Variants in PTPRG observed in about 807,000 individuals in gnomAD.
The protein encoded by PTPRG is receptor-type tyrosine-protein phosphatase gamma.
In PTPRG, 102 loss-of-function variants were observed where a neutral mutation model predicts 165.3. The observed-to-expected ratio is 0.62, with a 90% CI of 0.53 to 0.73. PTPRG has a LOEUF of 0.73. Ranked by LOEUF, PTPRG falls within the 30% of genes least tolerant of loss-of-function variation. PTPRG has a pLI of 0.00. For missense variants in PTPRG, 1,866 were observed against 1,861.4 expected, an observed-to-expected ratio of 1.00 and a Z score of -0.05; for synonymous variants, 675 against 669.5, an observed-to-expected ratio of 1.01 and a Z score of -0.13.
At chr3:62,103,701 T>C (rs1702372190) in intron 5 of PTPRG, among the ~76,000 whole-genome samples, 1 of 152,198 alleles carries the variant, frequency 6.6e-6, no homozygotes, top group Admixed American at 6.5e-5. Context: ...AGTATCTGTG[T>C]CTGCATTTTG....
intron 5 of PTPRG, among the ~76,000 whole-genome samples, chr3:62,091,423 A>C (rs1463305982): frequency 6.6e-6 from 1 of 152,250 alleles, no homozygotes; most frequent in Non-Finnish European, 1.5e-5. Context: ...AAATAGATTT[A>C]ATTGGAGCAG....
Position 62,273,718 on chromosome 3 carries a change from T to C in PTPRG, c.3339T>C (p.His1113=). 4 of 1,613,758 alleles carry C rather than the reference T, an allele frequency of 2.5e-6. No individual in the cohort carries two copies. Among genetic ancestry groups the C allele is most frequent in the Non-Finnish European group, 2.5e-6 (3 of 1,179,718 alleles). Residue 1113 remains histidine, a synonymous_variant, in exon 23 of 30, where the codon CAT becomes CAC. Coordinates refer to ENST00000474889, the MANE Select transcript of PTPRG (RefSeq NM_002841.4). This position sits in a 1 kb window ranked among gnomAD's most constrained non-coding sequence, Gnocchi z 4.1. ...CTTAGGAGCAGTACATTTTCATCCATGATGCCTTGTTGGAAGCCATTCTTG... is the reference window on the plus strand; with the variant it reads ...CTTAGGAGCAGTACATTTTCATCCACGATGCCTTGTTGGAAGCCATTCTTG... The part of the protein sequence containing the change: ...VQTEEQYIFI[H]DALLEAILGK...
intron 1 of PTPRG, among the ~76,000 whole-genome samples, chr3:61,638,591 GTT>G (rs34396141): frequency 0.043 from 2,489 of 58,528 alleles, 101 homozygotes; most frequent in African/African-American, 0.15. Flanking sequence ...TGCCTGGCTA[GTT>G]TTTTTTTTTT....
chr3:62,165,461 CA>C (rs1435174114), intron 7 of PTPRG, among the ~76,000 whole-genome samples: 1 of 152,088 alleles, frequency 6.6e-6, no homozygotes, highest in Admixed American at 6.5e-5. Flanking sequence ...CACATTTGGA[CA>C]AAGTAATCAG....
intron 1 of PTPRG, among the ~76,000 whole-genome samples, chr3:61,667,912 C>T (rs940314200): frequency 1.3e-5 from 2 of 151,996 alleles, no homozygotes; most frequent in Non-Finnish European, 2.9e-5. Context: ...AACATCTGGC[C>T]TACTGCCTAT....
At chr3:61,722,794 G>T (rs1342740102) in intron 1 of PTPRG, among the ~76,000 whole-genome samples, 3 of 152,124 alleles carry the variant, frequency 2.0e-5, no homozygotes, top group Admixed American at 6.5e-5. Context: ...TTCAGACGGG[G>T]TGTACTATCT....
intron 1 of PTPRG, among the ~76,000 whole-genome samples, chr3:61,694,206 T>G (rs1303598116): frequency 6.6e-6 from 1 of 152,056 alleles, no homozygotes; most frequent in African/African-American, 2.4e-5. Context: ...AATTAATTCT[T>G]TAGGGAATGA....
chr3:61,611,812 A>T (rs757886937), intron 1 of PTPRG, among the ~76,000 whole-genome samples: 118 of 152,222 alleles, frequency 7.8e-4, no homozygotes, highest in Non-Finnish European at 1.4e-3. Context: ...TGAATTTCAT[A>T]TCCTTTTCAT....
chr3:61,873,648 T>C (rs2037645267), intron 2 of PTPRG, among the ~76,000 whole-genome samples: 2 of 152,298 alleles, frequency 1.3e-5, no homozygotes, highest in South Asian at 2.1e-4. Flanking sequence ...AATAAATTGG[T>C]AATGTGTGGA....
Position 62,220,033 on chromosome 3 carries a change from G to A in PTPRG, c.2288+1050G>A, listed in dbSNP as rs552008235. ...ACCTGAGCAAAGACCTAAAGGAGGA[G>A]GGAACCAAATGGGCTCCACCTGGGG... On this transcript the variant is annotated intron_variant, in intron 13 of 29. Transcript: ENST00000474889. 2.5e-3 allele frequency among the ~76,000 whole-genome samples: 381 copies of A among 152,322 alleles called. 3 individuals carry two copies. The highest frequency in any genetic ancestry group is 8.5e-3 in the African/African-American group (355 of 41,574).
rs35559789 is a variant in PTPRG at position 62,273,196 on chromosome 3, G to A, written c.3318+115G>A. The A allele has an allele frequency of 0.15, 170,082 of 1,167,192 alleles. 13,645 individuals carry two copies. The highest frequency in any genetic ancestry group is 0.16 in the Non-Finnish European group (138,058 of 853,464). 72.3% of individuals were successfully genotyped at this position (1,167,192 alleles called of 1,614,324 possible). Reference sequence around the variant, plus strand: ...TTTTAGGGCTTGCAGTAATTTACAGGTTTGTATTAGAAGATATTCTGACAA... The same window carrying A: ...TTTTAGGGCTTGCAGTAATTTACAGATTTGTATTAGAAGATATTCTGACAA... On this transcript the variant is annotated intron_variant, in intron 22 of 29. Coordinates refer to ENST00000474889, the MANE Select transcript of PTPRG (RefSeq NM_002841.4). This position sits in a 1 kb window ranked among gnomAD's most constrained non-coding sequence, Gnocchi z 4.1.
At chr3:61,639,039 G>C (rs1008559508) in intron 1 of PTPRG, among the ~76,000 whole-genome samples, 1 of 152,112 alleles carries the variant, frequency 6.6e-6, no homozygotes, top group African/African-American at 2.4e-5. Context: ...GATTCTTATA[G>C]TTCCTGATCT....
chr3:62,069,542 A>G (rs910206718), intron 4 of PTPRG, among the ~76,000 whole-genome samples: 3 of 152,148 alleles, frequency 2.0e-5, no homozygotes, highest in African/African-American at 7.2e-5. Context: ...TGATACACAG[A>G]CAGACATACC....
At chr3:62,025,391 T>C (rs890699026) in intron 4 of PTPRG, among the ~76,000 whole-genome samples, 3 of 152,216 alleles carry the variant, frequency 2.0e-5, no homozygotes, top group Admixed American at 2.0e-4. Context: ...TGTTCCTTTA[T>C]CTCCAATTAT....
chr3:61,939,001 C>G (rs781313743), intron 2 of PTPRG, among the ~76,000 whole-genome samples: 4 of 152,100 alleles, frequency 2.6e-5, no homozygotes, highest in Non-Finnish European at 5.9e-5. Flanking sequence ...TGGGATCACC[C>G]CCTGCAGTTC....
rs79249435 is a variant in PTPRG, at chr3:62,085,931, T to C, written c.615+7673T>C. On this transcript the variant is annotated intron_variant, in intron 5 of 29. Coordinates refer to ENST00000474889, the MANE Select transcript of PTPRG (RefSeq NM_002841.4). ...TTCAGAAGGGCCTTAAAATTCTTTC[T>C]TCAAAAGTAGCTTCATTTTATCTTT... 7.5e-3 allele frequency among the ~76,000 whole-genome samples: 1,146 copies of C among 152,334 alleles called. 16 individuals are homozygous for C. Among genetic ancestry groups the C allele is most frequent in the African/African-American group, 0.027 (1,108 of 41,586 alleles).
intron 2 of PTPRG, among the ~76,000 whole-genome samples, chr3:61,913,986 G>A (rs557116985): frequency 6.6e-6 from 1 of 152,250 alleles, no homozygotes; most frequent in South Asian, 2.1e-4. Context: ...TTGTTTCAGT[G>A]TTATAACAAA....
chr3:61,668,315 A>G (rs1702864958), intron 1 of PTPRG, among the ~76,000 whole-genome samples: 1 of 152,222 alleles, frequency 6.6e-6, no homozygotes, highest in Non-Finnish European at 1.5e-5. Flanking sequence ...CCCCTCTATC[A>G]GGCATTTGGG....
chr3:61,637,474 C>T (rs928304284), intron 1 of PTPRG, among the ~76,000 whole-genome samples: 1 of 152,134 alleles, frequency 6.6e-6, no homozygotes, highest in Non-Finnish European at 1.5e-5. Flanking sequence ...GGCTGGATTT[C>T]AAGGATGAAA....
Sources: gnomAD v4.1 joint callset for allele counts (sites outside exome capture counted in the v4.1 genomes callset) on GRCh38, gnomAD v4.1.1 for gene constraint, Gnocchi (gnomAD v3.1) non-coding constraint, MANE v1.5 for transcripts, NCBI Gene and HGNC (gene_info 2026-07-23, HGNC 2026-07-21) for gene names.